The following ELK3 variants were observed in gnomAD, a reference collection of about 807,000 sequenced individuals.
The protein encoded by ELK3 is ETS domain-containing protein Elk-3.
In ELK3, 10 loss-of-function variants were observed where a neutral mutation model predicts 28.9. That is an observed-to-expected ratio of 0.35 (90% CI 0.21 to 0.59). ELK3 has a LOEUF of 0.59. Among genes scored for constraint, ELK3 ranks in the 20% least tolerant of loss-of-function variants. ELK3 has a pLI of 0.82. For synonymous variants in ELK3, 272 were observed against 243.5 expected, an observed-to-expected ratio of 1.12 and a Z score of -1.09; for missense variants, 463 against 517.3, an observed-to-expected ratio of 0.90 and a Z score of 1.02.
chr12:96,260,160 T>G (rs867059680), intron 4 of ELK3, among the ~76,000 whole-genome samples: 1 of 152,058 alleles, frequency 6.6e-6, no homozygotes, highest in Non-Finnish European at 1.5e-5. Context: ...GAATTATTCT[T>G]TAGGCCAGTG....
chr12:96,226,683 C>T (rs1592678551), intron 2 of ELK3, among the ~76,000 whole-genome samples: 1 of 152,198 alleles, frequency 6.6e-6, no homozygotes, highest in East Asian at 1.9e-4. Flanking sequence ...GCCATATGCA[C>T]AGACATGTGC....
intron 2 of ELK3, among the ~76,000 whole-genome samples, chr12:96,225,430 T>C (rs1463083682): frequency 2.0e-5 from 3 of 152,242 alleles, no homozygotes; most frequent in African/African-American, 4.8e-5. Context: ...CTATATCTTA[T>C]CTCCCTTGGG....
intron 2 of ELK3, among the ~76,000 whole-genome samples, chr12:96,243,569 G>C (rs767918100): frequency 6.6e-6 from 1 of 151,850 alleles, no homozygotes; most frequent in Non-Finnish European, 1.5e-5. Flanking sequence ...TAAAAATTAG[G>C]CAGGGCGTGG....
intron 1 of ELK3, among the ~76,000 whole-genome samples, chr12:96,197,046 T>A (rs763429448): frequency 6.6e-6 from 1 of 152,118 alleles, no homozygotes; most frequent in Non-Finnish European, 1.5e-5. Context: ...ACAAAACTTA[T>A]AATAGGTAAG....
At chr12:96,235,696 C>T (rs1003053591) in intron 2 of ELK3, among the ~76,000 whole-genome samples, 14 of 152,132 alleles carry the variant, frequency 9.2e-5, no homozygotes, top group East Asian at 7.7e-4. Flanking sequence ...ACACACTGCC[C>T]GGCCATGCCA....
intron 1 of ELK3, among the ~76,000 whole-genome samples, chr12:96,208,208 C>T (rs1291969223): frequency 2.6e-5 from 4 of 152,164 alleles, no homozygotes; most frequent in African/African-American, 7.2e-5. Flanking sequence ...CCCGCCACCA[C>T]TCCCACCTAA....
intron 1 of ELK3, among the ~76,000 whole-genome samples, chr12:96,196,223 T>C (rs528081197): frequency 3.8e-4 from 58 of 152,334 alleles, no homozygotes; most frequent in Non-Finnish European, 7.2e-4. Context: ...AGACAAGTTA[T>C]GGCTTTATTT....
At chr12:96,226,661 C>T (rs551926673) in intron 2 of ELK3, among the ~76,000 whole-genome samples, 1 of 152,252 alleles carries the variant, frequency 6.6e-6, no homozygotes, top group African/African-American at 2.4e-5. Flanking sequence ...TCCACATGCA[C>T]ACGTGGCCAC....
chr12:96,247,321 C>G lies in ELK3; in HGVS notation c.589C>G (p.Pro197Ala). The G allele has an allele frequency of 6.2e-7, 1 of 1,614,256 alleles. No individual in the cohort carries two copies. The highest frequency in any genetic ancestry group is 8.5e-7 in the Non-Finnish European group (1 of 1,180,056). ...TNKTDKHVTR[P>A]VVSLPSTSEA... ...TAAAACCGACAAGCACGTCACCAGG[C>G]CGGTGGTGTCCCTGCCTTCCACGTC... Residue 197 changes from proline to alanine, a missense_variant, in exon 3 of 5, where the codon CCG becomes GCG. By Grantham distance (27) the Pro-to-Ala change is conservative. Around this residue, in one of 2 missense-constraint regions of ELK3, gnomAD observed 408 missense variants for 414.8 expected, o/e 0.98. Coordinates refer to ENST00000228741, the MANE Select transcript of ELK3 (RefSeq NM_005230.4). This position sits in a 1 kb window ranked among gnomAD's most constrained non-coding sequence, Gnocchi z 5.5.
chr12:96,256,208 G>C (rs962007605), intron 3 of ELK3, among the ~76,000 whole-genome samples: 1 of 152,186 alleles, frequency 6.6e-6, no homozygotes, highest in African/African-American at 2.4e-5. Flanking sequence ...ATGGAAATGA[G>C]GGATAAACAG....
chr12:96,244,223 T>C (rs1452894763), intron 2 of ELK3, among the ~76,000 whole-genome samples: 1 of 152,134 alleles, frequency 6.6e-6, no homozygotes, highest in Non-Finnish European at 1.5e-5. Flanking sequence ...CCACATTTCA[T>C]TTATCCTTTT....
At chr12:96,228,600 T>C (rs774867569) in intron 2 of ELK3, among the ~76,000 whole-genome samples, 3 of 152,142 alleles carry the variant, frequency 2.0e-5, no homozygotes, top group Non-Finnish European at 2.9e-5. Flanking sequence ...GTTTCTTTCC[T>C]CAGTTGCTTA....
intron 3 of ELK3, among the ~76,000 whole-genome samples, chr12:96,258,374 A>G (rs567659565): frequency 3.3e-5 from 5 of 152,374 alleles, no homozygotes; most frequent in South Asian, 2.1e-4. Context: ...TTTACATTTC[A>G]GCAGCTTCAC....
intron 1 of ELK3, among the ~76,000 whole-genome samples, chr12:96,197,822 A>AT (rs1220550539): frequency 6.6e-6 from 1 of 152,236 alleles, no homozygotes; most frequent in African/African-American, 2.4e-5. Flanking sequence ...AAAAGTGCTA[A>AT]TATACAGTAC....
At chr12:96,211,001 A>AT (rs1951574443) in intron 1 of ELK3, among the ~76,000 whole-genome samples, 1 of 152,224 alleles carries the variant, frequency 6.6e-6, no homozygotes. Flanking sequence ...TTGGAGCCAG[A>AT]TGCCCCTGGA....
intron 1 of ELK3, 131 bp from the exon 2 acceptor site, chr12:96,223,434 G>T: frequency 1.2e-6 from 1 of 801,198 alleles, no homozygotes. Context: ...GGAAGTGAAA[G>T]CTACTTTTTA....
intron 1 of ELK3, among the ~76,000 whole-genome samples, chr12:96,198,365 C>T (rs1951485843): frequency 6.6e-6 from 1 of 152,196 alleles, no homozygotes; most frequent in African/African-American, 2.4e-5. Flanking sequence ...CCAGCTGTCT[C>T]ATTAAAGTTT....
At chr12:96,213,185 T>C (rs1445563888) in intron 1 of ELK3, among the ~76,000 whole-genome samples, 3 of 152,226 alleles carry the variant, frequency 2.0e-5, no homozygotes, top group African/African-American at 7.2e-5. Context: ...AGTGCCATGC[T>C]TTTTCCACAC....
At chr12:96,266,985 G>T in intron 4 of ELK3, 97 bp from the exon 5 acceptor site, 1 of 930,770 alleles carries the variant, frequency 1.1e-6, no homozygotes. Flanking sequence ...GGTGATGAGA[G>T]AAATGGACTG....
Sources: allele counts gnomAD v4.1 joint callset (sites outside exome capture counted in the v4.1 genomes callset), GRCh38; gene constraint gnomAD v4.1.1; regional missense constraint gnomAD v4.1.1; non-coding constraint Gnocchi (gnomAD v3.1); transcripts MANE v1.5; gene names NCBI Gene and HGNC (gene_info 2026-07-23, HGNC 2026-07-21).